Variants in RBFOX1 observed in about 807,000 individuals in gnomAD.
RBFOX1 encodes RNA binding fox-1 homolog 1.
Under a neutral mutation model 57.7 loss-of-function variants are expected in RBFOX1, and 8 were observed. The observed-to-expected ratio is 0.14, with a 90% CI of 0.08 to 0.25. RBFOX1 has a LOEUF of 0.25. Ranked by LOEUF, RBFOX1 falls within the 10% of genes least tolerant of loss-of-function variation. RBFOX1 has a pLI of 1.00. For synonymous variants in RBFOX1, 326 were observed against 222.4 expected (o/e 1.47, Z -4.15); for missense variants, 611 against 548.5 (o/e 1.11, Z -1.14).
intron 5 of RBFOX1, among the ~76,000 whole-genome samples, chr16:7,545,492 C>T (rs1185410275): frequency 6.6e-6 from 1 of 152,148 alleles, no homozygotes; most frequent in Admixed American, 6.5e-5. Flanking sequence ...CCGACCTTCC[C>T]TGCAGCCTTC....
intron 3 of RBFOX1, among the ~76,000 whole-genome samples, chr16:6,869,892 G>T (rs76671703): frequency 2.6e-5 from 4 of 152,140 alleles, no homozygotes; most frequent in African/African-American, 9.7e-5. Context: ...TCTCCCCGCA[G>T]TAAAAGCAAT....
intron 1 of RBFOX1, among the ~76,000 whole-genome samples, chr16:6,145,481 G>A (rs544058283): frequency 2.6e-5 from 4 of 152,178 alleles, no homozygotes; most frequent in Non-Finnish European, 5.9e-5. Context: ...ATTGTGAATA[G>A]TGCTACAGTG....
chr16:7,051,464 G>A (rs75774181), intron 3 of RBFOX1, among the ~76,000 whole-genome samples: 2,573 of 152,294 alleles, frequency 0.017, 78 homozygotes, highest in African/African-American at 0.058. Flanking sequence ...TTTCCTATCT[G>A]ATGGCCGATA....
chr16:5,293,615 A>G (rs200846225), intron 1 of RBFOX1, among the ~76,000 whole-genome samples: 2 of 152,310 alleles, frequency 1.3e-5, no homozygotes, highest in African/African-American at 2.4e-5. Flanking sequence ...TTATTCATTC[A>G]TCAACCAAAT....
Position 5,869,212 on chromosome 16 carries a change from C to T in RBFOX1, c.351+1877C>T, listed in dbSNP as rs1018355957. On this transcript the variant is annotated intron_variant, in intron 4 of 19. Coordinates refer to the RBFOX1 transcript ENST00000641259. ...TCTGCCAGTCATGAAGGACTGATTG[C>T]GCTTTCTGGAGCATACCTGAATATG... Among the ~76,000 whole-genome samples the T allele has an allele frequency of 3.3e-5, 5 of 152,076 alleles. No individual in the cohort carries two copies. The South Asian group carries it at 8.4e-4, about 25-fold the overall frequency.
chr16:6,817,250 C>G (rs1366622099), intron 3 of RBFOX1, among the ~76,000 whole-genome samples: 2 of 151,992 alleles, frequency 1.3e-5, no homozygotes, highest in Admixed American at 6.6e-5. Flanking sequence ...AATCAGACAC[C>G]CAGGTAACAT....
chr16:6,701,036 G>C (rs768169079), intron 3 of RBFOX1, among the ~76,000 whole-genome samples: 2 of 99,706 alleles, frequency 2.0e-5, no homozygotes, highest in South Asian at 3.1e-4. Flanking sequence ...GTTGGGCAGA[G>C]GGGGGGGTGA....
intron 2 of RBFOX1, among the ~76,000 whole-genome samples, chr16:5,561,794 A>G (rs2151108371): frequency 6.6e-6 from 1 of 152,264 alleles, no homozygotes; most frequent in Admixed American, 6.5e-5. Context: ...GATGTATTTT[A>G]GCAGAAGTTA....
intron 4 of RBFOX1, among the ~76,000 whole-genome samples, chr16:6,012,659 G>T (rs899769975): frequency 5.9e-5 from 9 of 152,210 alleles, no homozygotes; most frequent in African/African-American, 2.2e-4. Flanking sequence ...ATGGAACAGG[G>T]AATGCAGCAG....
At chr16:5,748,786 C>T (rs1252755242) in intron 3 of RBFOX1, among the ~76,000 whole-genome samples, 1 of 152,120 alleles carries the variant, frequency 6.6e-6, no homozygotes, top group African/African-American at 2.4e-5. Context: ...GATGGGTTTC[C>T]TGAATACAGC....
At chr16:5,894,515 C>T (rs1034227957) in intron 4 of RBFOX1, among the ~76,000 whole-genome samples, 1 of 152,044 alleles carries the variant, frequency 6.6e-6, no homozygotes, top group African/African-American at 2.4e-5. Flanking sequence ...CCTCAGATAA[C>T]CCACCAGCCT....
intron 1 of RBFOX1, among the ~76,000 whole-genome samples, chr16:6,284,993 C>A (rs1305565624): frequency 6.6e-6 from 1 of 152,088 alleles, no homozygotes; most frequent in Admixed American, 6.6e-5. Flanking sequence ...TTCACAGGAA[C>A]AAGGGCTTCA....
chr16:6,196,823 A>G (rs1389709744), intron 1 of RBFOX1, among the ~76,000 whole-genome samples: 1 of 151,196 alleles, frequency 6.6e-6, no homozygotes, highest in African/African-American at 2.4e-5. Flanking sequence ...CCCTGTTTAC[A>G]TATGGAGACA....
chr16:6,115,019 G>C (rs2096483990), intron 1 of RBFOX1, among the ~76,000 whole-genome samples: 1 of 152,126 alleles, frequency 6.6e-6, no homozygotes, highest in Non-Finnish European at 1.5e-5. Context: ...TTCCAGGAAA[G>C]GAACAGTAGC....
intron 2 of RBFOX1, among the ~76,000 whole-genome samples, chr16:6,431,249 T>C (rs1478524672): frequency 1.3e-5 from 2 of 151,824 alleles, no homozygotes; most frequent in African/African-American, 2.4e-5. Flanking sequence ...TGAATAAAGT[T>C]AGGAGGGAGA....
chr16:6,788,952 A>G (rs987675904), intron 3 of RBFOX1, among the ~76,000 whole-genome samples: 4 of 152,054 alleles, frequency 2.6e-5, no homozygotes, highest in Middle Eastern at 3.2e-3. Context: ...AGCATTCTCT[A>G]TTCTTTCCGC....
In RBFOX1 at chr16:5,287,157, T is replaced by C. The variant is rs140669164; in HGVS notation, c.219+47052T>C. ...CTGTCTCTGCAAAGAATAAAAAAAT[T>C]AGCTAAGCATGGTGGCTCATGTCTG... is the stretch of plus-strand genomic sequence containing the variant. On this transcript the variant is annotated intron_variant, in intron 1 of 2. Coordinates refer to the RBFOX1 transcript ENST00000585867. 5.4e-3 allele frequency among the ~76,000 whole-genome samples: 823 copies of C among 152,138 alleles called. 11 individuals carry two copies. Among genetic ancestry groups the C allele is most frequent in the African/African-American group, 0.019 (792 of 41,508 alleles).
chr16:6,729,130 C>G (rs1383631482), intron 3 of RBFOX1, among the ~76,000 whole-genome samples: 1 of 152,048 alleles, frequency 6.6e-6, no homozygotes, highest in East Asian at 1.9e-4. Context: ...GAGTTTTGTT[C>G]TTTATATGAT....
At chr16:6,723,677 G>A (rs1008855490) in intron 3 of RBFOX1, 1 of 152,112 alleles carries the variant, frequency 6.6e-6, no homozygotes, top group African/African-American at 2.4e-5. Flanking sequence ...GGAGCAAATA[G>A]TCTGATTTTG....
Sources: allele counts gnomAD v4.1 joint callset (sites outside exome capture counted in the v4.1 genomes callset), GRCh38; gene constraint gnomAD v4.1.1; transcripts MANE v1.5; gene names NCBI Gene and HGNC (gene_info 2026-07-23, HGNC 2026-07-21).